The following ANO10 variants were observed in gnomAD, a reference collection of about 807,000 sequenced individuals.
ANO10 encodes anoctamin 10, also known as anoctamin-10.
Under a neutral mutation model 74.7 loss-of-function variants are expected in ANO10, and 77 were observed. The ratio of observed to expected loss-of-function variants is 1.03; its 90% CI spans 0.86 to 1.25. The LOEUF is 1.25. Ranked by LOEUF, ANO10 falls within the 50% of genes most tolerant of loss-of-function variation. ANO10 has a pLI of 0.00. For missense variants in ANO10, 721 were observed against 778.1 expected (o/e 0.93, Z 0.87); for synonymous variants, 279 against 284.9 (o/e 0.98, Z 0.21).
At chr3:43,599,075 A>C (rs2082220666) in intron 3 of ANO10, among the ~76,000 whole-genome samples, 1 of 152,236 alleles carries the variant, frequency 6.6e-6, no homozygotes, top group African/African-American at 2.4e-5. Context: ...TCAAACTCTC[A>C]AGCCCATTCC....
chr3:43,511,100 G>A (rs879508432), intron 11 of ANO10, among the ~76,000 whole-genome samples: 3 of 152,130 alleles, frequency 2.0e-5, no homozygotes, highest in African/African-American at 7.2e-5. Context: ...TGCTCTTTAT[G>A]ATTTCATTTT....
intron 12 of ANO10, among the ~76,000 whole-genome samples, chr3:43,382,181 A>G (rs749650003): frequency 5.3e-5 from 8 of 152,216 alleles, no homozygotes; most frequent in Non-Finnish European, 1.2e-4. Context: ...AAGGAGCTAG[A>G]CAAACAAGAA....
intron 11 of ANO10, among the ~76,000 whole-genome samples, chr3:43,435,510 GAAA>G (rs1224221805): frequency 8.3e-6 from 1 of 120,112 alleles, no homozygotes. Context: ...CTCCATCTCA[GAAA>G]AAAAAAAAAA....
At chr3:43,679,245 T>C (rs542047804) in intron 1 of ANO10, among the ~76,000 whole-genome samples, 1 of 152,304 alleles carries the variant, frequency 6.6e-6, no homozygotes, top group Non-Finnish European at 1.5e-5. Flanking sequence ...CCCACCCTAA[T>C]ACTGCACTTT....
chr3:43,491,395 T>G (rs1054389773), intron 11 of ANO10, among the ~76,000 whole-genome samples: 1 of 152,060 alleles, frequency 6.6e-6, no homozygotes, highest in African/African-American at 2.4e-5. Context: ...GCACCTGTAA[T>G]CCCAGCTACT....
intron 11 of ANO10, among the ~76,000 whole-genome samples, chr3:43,457,219 T>C (rs912885213): frequency 6.6e-6 from 1 of 152,244 alleles, no homozygotes; most frequent in African/African-American, 2.4e-5. Flanking sequence ...TCTTAGCAGA[T>C]TGCTAAATAC....
chr3:43,650,760 T>C (rs1243797788), intron 1 of ANO10, among the ~76,000 whole-genome samples: 2 of 152,064 alleles, frequency 1.3e-5, no homozygotes, highest in Non-Finnish European at 2.9e-5. Context: ...GTGTTCTGTT[T>C]GTGTTCATTC....
intron 12 of ANO10, among the ~76,000 whole-genome samples, chr3:43,432,243 T>C (rs2092994175): frequency 6.6e-6 from 1 of 152,030 alleles, no homozygotes; most frequent in African/African-American, 2.4e-5. Context: ...CTGAAAGCTA[T>C]TATTCAGGAT....
chr3:43,614,134 C>T (rs1255994486), intron 1 of ANO10, among the ~76,000 whole-genome samples: 2 of 152,110 alleles, frequency 1.3e-5, no homozygotes, highest in East Asian at 1.9e-4. Flanking sequence ...TCTGGGGACA[C>T]GCATCAAAGG....
intron 12 of ANO10, among the ~76,000 whole-genome samples, chr3:43,388,473 C>A (rs1559499575): frequency 2.0e-5 from 3 of 152,132 alleles, no homozygotes; most frequent in Admixed American, 6.5e-5. Flanking sequence ...TTCCTGACCA[C>A]ATTCCGAAGG....
chr3:43,482,566 C>T (rs1175785386), intron 11 of ANO10, among the ~76,000 whole-genome samples: 2 of 152,140 alleles, frequency 1.3e-5, no homozygotes, highest in Non-Finnish European at 2.9e-5. Context: ...CCCAGGTAAA[C>T]ACACTAACCT....
chr3:43,494,765 G>T (rs558991557), intron 11 of ANO10, among the ~76,000 whole-genome samples: 60 of 152,170 alleles, frequency 3.9e-4, no homozygotes, highest in African/African-American at 1.3e-3. Flanking sequence ...TTTATTGAAG[G>T]ATATGTAATA....
chr3:43,616,177 A>G (rs1432174269), intron 1 of ANO10, among the ~76,000 whole-genome samples: 1 of 152,154 alleles, frequency 6.6e-6, no homozygotes, highest in Admixed American at 6.5e-5. Context: ...AGAGCTGGAC[A>G]ATGATAGACT....
chr3:43,431,581 G>C (rs1024316650), intron 12 of ANO10, among the ~76,000 whole-genome samples: 2 of 151,940 alleles, frequency 1.3e-5, no homozygotes, highest in African/African-American at 4.8e-5. Context: ...ACACTGGCTA[G>C]CCCACATGCC....
intron 1 of ANO10, among the ~76,000 whole-genome samples, chr3:43,631,623 T>C (rs946311161): frequency 6.6e-6 from 1 of 152,024 alleles, no homozygotes; most frequent in African/African-American, 2.4e-5. Context: ...ATTCTCATTG[T>C]ATGAGAGGGA....
At chr3:43,488,744 T>C (rs1336101582) in intron 11 of ANO10, among the ~76,000 whole-genome samples, 11 of 152,222 alleles carry the variant, frequency 7.2e-5, no homozygotes, top group African/African-American at 1.9e-4. Flanking sequence ...AGTTCAACCA[T>C]TGTGGAAGTT....
At chr3:43,573,464 G>C (rs1188959645) in intron 7 of ANO10, among the ~76,000 whole-genome samples, 1 of 152,102 alleles carries the variant, frequency 6.6e-6, no homozygotes, top group Non-Finnish European at 1.5e-5. Context: ...AAACTTCTTA[G>C]AATGATTTCT....
intron 11 of ANO10, among the ~76,000 whole-genome samples, chr3:43,545,293 T>C (rs1384102103): frequency 6.6e-6 from 1 of 152,208 alleles, no homozygotes; most frequent in Non-Finnish European, 1.5e-5. Context: ...ATTTCCTTAT[T>C]TGAAAAGATT....
At chr3:43,443,783 C>T (rs1170173795) in intron 11 of ANO10, among the ~76,000 whole-genome samples, 6 of 147,698 alleles carry the variant, frequency 4.1e-5, no homozygotes, top group Admixed American at 2.1e-4. Flanking sequence ...CAGGTTCCAA[C>T]GATTCTCCTG....
Sources: gnomAD v4.1 joint callset for allele counts (sites outside exome capture counted in the v4.1 genomes callset) on GRCh38, gnomAD v4.1.1 for gene constraint, MANE v1.5 for transcripts, NCBI Gene and HGNC (gene_info 2026-07-23, HGNC 2026-07-21) for gene names.